The following C1QTNF12 variants were observed in gnomAD, a reference collection of about 807,000 sequenced individuals.
The protein encoded by C1QTNF12 is C1q and TNF related 12.
A neutral mutation model predicts 34.3 loss-of-function variants in C1QTNF12; 39 were observed. The observed-to-expected ratio is 1.14, with a 90% CI of 0.88 to 1.49. The LOEUF (loss-of-function observed/expected upper bound fraction) is 1.49, where lower values mean the gene tolerates loss of function less well. C1QTNF12 is among the 40% of genes most tolerant of loss of function. C1QTNF12 has a pLI of 0.00. For missense variants in C1QTNF12, 497 were observed against 424.7 expected (o/e 1.17, Z -1.50); for synonymous variants, 220 against 196.9 (o/e 1.12, Z -0.98).
In C1QTNF12 at chr1:1,244,364, G is replaced by A. The variant is rs770989676; in HGVS notation, c.294+17C>T. ...TGTCCGGGGCTCAGACCCTGCAGCA[G>A]CCCGGGCGGGGCTCACCGGCTTCTT... On this transcript the variant is annotated intron_variant, in intron 2 of 7. Transcript: ENST00000330388. 3 of 1,608,568 alleles carry A rather than the reference G, an allele frequency of 1.9e-6. No homozygotes were observed. Among genetic ancestry groups the A allele is most frequent in the South Asian group, 1.1e-5 (1 of 90,978 alleles).
rs774360088 is a variant in C1QTNF12 at position 1,244,287 on chromosome 1, G to GAGAAGC, written c.295-18_295-13dup. On this transcript the variant is annotated splice_polypyrimidine_tract_variant and intron_variant, in intron 2 of 7. Transcript: ENST00000330388. ...CCGAAGAGATCCCGCTGGGGGGAGA[G>GAGAAGC]AGAAGCAGGTGAGGGGCCCAGTGGG... 6.3e-7 allele frequency: 1 copy of GAGAAGC among 1,591,576 alleles called. No homozygotes were observed. Among genetic ancestry groups the GAGAAGC allele is most frequent in the Non-Finnish European group, 8.6e-7 (1 of 1,165,750 alleles).
chr1:1,242,874 C>A lies in C1QTNF12; in HGVS notation c.771G>T (p.Arg257Ser). 6.2e-7 allele frequency: 1 copy of A among 1,612,474 alleles called. No individual in the cohort carries two copies. The highest frequency in any genetic ancestry group is 1.1e-5 in the South Asian group (1 of 91,084). ...GCCCCTGCACCTGTAGCGTGAAGACCCTGCTGTTGCTCTCCAGGCCTGAGA... is the reference window on the plus strand; with the variant it reads ...GCCCCTGCACCTGTAGCGTGAAGACACTGCTGTTGCTCTCCAGGCCTGAGA... Reference protein sequence around the residue: ...EAVSGLESNSRVFTLQVQGLL... With the variant: ...EAVSGLESNSSVFTLQVQGLL... The change falls in exon 7 of 8, where the codon AGG becomes AGT. Residue 257 changes from arginine (R) to serine (S), a missense_variant. Physicochemically the swap from Arg to Ser is moderately radical, Grantham distance 110. Transcript: ENST00000330388.
In C1QTNF12 at chr1:1,244,361, G is replaced by A; in HGVS notation, c.294+20C>T. On this transcript the variant is annotated intron_variant, in intron 2 of 7. Coordinates refer to ENST00000330388, the MANE Select transcript of C1QTNF12 (RefSeq NM_001014980.3). ...CCCTGTCCGGGGCTCAGACCCTGCAGCAGCCCGGGCGGGGCTCACCGGCTT... is the reference window on the plus strand; with the variant it reads ...CCCTGTCCGGGGCTCAGACCCTGCAACAGCCCGGGCGGGGCTCACCGGCTT... The A allele has an allele frequency of 6.2e-7, 1 of 1,607,176 alleles. No homozygotes were observed. The highest frequency in any genetic ancestry group is 8.5e-7 in the Non-Finnish European group (1 of 1,175,568).
Position 1,243,148 on chromosome 1 carries a change from G to C in C1QTNF12, c.645C>G (p.His215Gln). 6.4e-7 allele frequency: 1 copy of C among 1,566,096 alleles called. No individual in the cohort carries two copies. The highest frequency in any genetic ancestry group is 8.6e-7 in the Non-Finnish European group (1 of 1,156,782). The change falls in exon 6 of 8, where the codon CAC becomes CAG. Residue 215 changes from histidine (H) to glutamine (Q), a missense_variant. Coordinates refer to ENST00000330388, the MANE Select transcript of C1QTNF12 (RefSeq NM_001014980.3). The part of the protein sequence containing the change: ...FQFSASLHVD[H>Q]SELQGKARLR... Reference sequence around the variant, plus strand: ...GCCGGGCCTTGCCCTGCAGCTCACTGTGGTCTGCGGAGAGAGCCCTGGGGA... The same window carrying C: ...GCCGGGCCTTGCCCTGCAGCTCACTCTGGTCTGCGGAGAGAGCCCTGGGGA...
chr1:1,243,968 G>T lies in C1QTNF12; in HGVS notation c.517C>A (p.His173Asn). ...GCTCCACTCACAGCCTGGAAACCAT[G>T]CAGCTCCACCAGCGTCCGCTTGTCC... ...RVDKRTLVEL[H>N]GFQAPAAQGA... The change falls in exon 4 of 8, where the codon CAT (histidine) becomes AAT (asparagine). Residue 173 changes from histidine (H) to asparagine (N), a missense_variant. Coordinates refer to ENST00000330388, the MANE Select transcript of C1QTNF12 (RefSeq NM_001014980.3). 1 of 1,609,550 alleles carries T rather than the reference G, an allele frequency of 6.2e-7. No individual in the cohort carries two copies. Among genetic ancestry groups the T allele is most frequent in the Non-Finnish European group, 8.5e-7 (1 of 1,178,624 alleles).
At chr1:1,243,691 A>G (rs2101004775) in intron 4 of C1QTNF12, 139 bp from the exon 5 acceptor site, 1 of 821,588 alleles carries the variant, frequency 1.2e-6, no homozygotes, top group Non-Finnish European at 1.9e-6. Context: ...TGTGGGCACC[A>G]GCAGGACTGA....
Position 1,243,431 on chromosome 1 carries a change from C to G in C1QTNF12, c.640+13G>C. 1 of 1,548,464 alleles carries G rather than the reference C, an allele frequency of 6.5e-7. No individual in the cohort carries two copies. Among genetic ancestry groups the G allele is most frequent in the Non-Finnish European group, 8.7e-7 (1 of 1,145,038 alleles). ...CCCCGTCACAGCACACGGCACTGCC[C>G]CATCCGGCTCACCCACGTGCAGACT... On this transcript the variant is annotated intron_variant, in intron 5 of 7. Transcript: ENST00000330388.
At chr1:1,243,876 G>A (rs1223864381) in intron 4 of C1QTNF12, 78 bp downstream of exon 4, 46 of 1,481,864 alleles carry the variant, frequency 3.1e-5, no homozygotes, top group Non-Finnish European at 4.0e-5. Flanking sequence ...CCCCATGAGT[G>A]TCAGGCGGTG....
At chr1:1,244,781 CCA>C in intron 1 of C1QTNF12, 1 of 288,964 alleles carries the variant, frequency 3.5e-6, no homozygotes, top group East Asian at 6.9e-5. Context: ...ACTCCTTCCC[CCA>C]CTCATCTCCC....
rs148998510 is a variant in C1QTNF12 at position 1,244,464 on chromosome 1, C to T, written c.211G>A (p.Ala71Thr). 112 of 1,611,812 alleles carry T rather than the reference C, an allele frequency of 6.9e-5. No individual in the cohort carries two copies. Among genetic ancestry groups the T allele is most frequent in the Middle Eastern group, 5.0e-4 (3 of 6,054 alleles). Reference protein sequence around the residue: ...SQASGPEFSDAHMTWLNFVRR... With the variant: ...SQASGPEFSDTHMTWLNFVRR... ...ACAAAGTTCAGCCATGTCATGTGGG[C>T]GTCGGAGAACTCAGGTCCTGAGGCC... Residue 71 changes from alanine (A) to threonine (T), a missense_variant, in exon 2 of 8, where the codon GCC becomes ACC. Physicochemically the swap from Ala to Thr is moderately conservative, Grantham distance 58 (BLOSUM62 0). Coordinates refer to ENST00000330388, the MANE Select transcript of C1QTNF12 (RefSeq NM_001014980.3).
Position 1,246,647 on chromosome 1 carries a change from G to A in C1QTNF12, c.44C>T (p.Pro15Leu), listed in dbSNP as rs1224671381. Reference sequence around the variant, plus strand: ...GACGCCCCCGAGGAGCACGAGCTGCGGCCCGAGGAGGACCACGACCGCGGC... The same window carrying A: ...GACGCCCCCGAGGAGCACGAGCTGCAGCCCGAGGAGGACCACGACCGCGGC... ...AWAAVVVLLG[P>L]QLVLLGGVGA... is the part of the protein sequence containing the mutation. Residue 15 changes from proline to leucine, a missense_variant, in exon 1 of 8, where the codon CCG becomes CTG. Pro to Leu is a moderately conservative substitution (Grantham distance 98). Coordinates refer to ENST00000330388, the MANE Select transcript of C1QTNF12 (RefSeq NM_001014980.3). The surrounding 1 kb of genome is among the most constrained non-coding windows in gnomAD (Gnocchi z 4.5). 3 of 1,233,296 alleles carry A rather than the reference G, an allele frequency of 2.4e-6. No individual in the cohort carries two copies. Among genetic ancestry groups the A allele is most frequent in the African/African-American group, 1.6e-5 (1 of 64,208 alleles). 76.4% of individuals were successfully genotyped at this position (1,233,296 alleles called of 1,614,324 possible). A position where few individuals can be genotyped will look rare whatever the true frequency, so the allele number is the denominator to read the frequency against.
At chr1:1,244,330 A>C in intron 2 of C1QTNF12, 51 bp downstream of exon 2, 4 of 1,594,728 alleles carry the variant, frequency 2.5e-6, no homozygotes, top group Non-Finnish European at 3.4e-6. Context: ...GGGAGCTACC[A>C]CCACACCCTG....
rs761590854 is a variant in C1QTNF12, at chr1:1,244,292, GCAGGTGAGGGGCC to G, written c.295-30_295-18del. On this transcript the variant is annotated intron_variant, in intron 2 of 7. Coordinates refer to ENST00000330388, the MANE Select transcript of C1QTNF12 (RefSeq NM_001014980.3). The stretch of plus-strand genomic sequence containing the variant: ...GAGATCCCGCTGGGGGGAGAGAGAA[GCAGGTGAGGGGCC>G]CAGTGGGACCCGGTGGGAGCTACCA... The G allele has an allele frequency of 2.5e-6, 4 of 1,590,642 alleles. 1 individual carries two copies. The South Asian group carries it at 4.5e-5, about 18-fold the overall frequency.
intron 1 of C1QTNF12, among the ~76,000 whole-genome samples, chr1:1,245,662 C>T (rs1358532056): frequency 6.6e-6 from 1 of 152,168 alleles, no homozygotes; most frequent in Non-Finnish European, 1.5e-5. Context: ...GGAACCAGCC[C>T]ACTCTTCCTG....
rs752550553 is a variant in C1QTNF12 at position 1,242,826 on chromosome 1, C to T, written c.810+9G>A. ...CGAGCCCTCCCGCTCACACCCGGCC[C>T]GGACTCACCTGCAGCTGCAGCAGCC... On this transcript the variant is annotated intron_variant, in intron 7 of 7. Transcript: ENST00000330388. 2.4e-5 allele frequency: 39 copies of T among 1,611,930 alleles called. No individual in the cohort carries two copies. Among genetic ancestry groups the T allele is most frequent in the Admixed American group, 6.7e-5 (4 of 59,978 alleles).
intron 7 of C1QTNF12, 79 bp from the exon 8 acceptor site, chr1:1,242,725 G>T: frequency 1.3e-6 from 2 of 1,544,044 alleles, no homozygotes; most frequent in South Asian, 1.2e-5. Flanking sequence ...CCTGCCCTGC[G>T]CTAGGAGGTG....
In C1QTNF12 at chr1:1,243,099, C is replaced by T. The variant is rs1398545535; in HGVS notation, c.694G>A (p.Val232Ile). ...CACAGGGACTCAATACAGATGAGAA[C>T]ACACACCACGTCCCGGGCCCGCAGC... The part of the protein sequence containing the change: ...ARLRARDVVC[V>I]LICIESLCQR... The change falls in exon 6 of 8, where the codon GTT becomes ATT. Residue 232 changes from valine to isoleucine, a missense_variant. Transcript: ENST00000330388. 1 of 1,590,528 alleles carries T rather than the reference C, an allele frequency of 6.3e-7. No homozygotes were observed. The highest frequency in any genetic ancestry group is 8.6e-7 in the Non-Finnish European group (1 of 1,169,448).
rs201767574 is a variant in C1QTNF12, at chr1:1,244,099, G to A, written c.386C>T (p.Thr129Met). The change falls in exon 4 of 8, where the codon ACG (threonine) becomes ATG (methionine). Residue 129 changes from threonine to methionine, a missense_variant. Transcript: ENST00000330388. Reference sequence around the variant, plus strand: ...CAGAAGCCCTGAGAACCGGCGCTCCGTGGCCTCTGTGGGGAGGAGGGCACA... The same window carrying A: ...CAGAAGCCCTGAGAACCGGCGCTCCATGGCCTCTGTGGGGAGGAGGGCACA... Reference protein sequence around the residue: ...HEFQELLKEATERRFSGLLDP... With the variant: ...HEFQELLKEAMERRFSGLLDP... 5.1e-4 allele frequency: 806 copies of A among 1,578,040 alleles called. 8 individuals carry two copies. In the East Asian group the frequency reaches 0.016, roughly 31 times the overall value.
chr1:1,242,851 C>T lies in C1QTNF12; in HGVS notation c.794G>A (p.Gly265Glu), dbSNP rs1297343250. ...NSRVFTLQVQ[G>E]LLQLQAGQYA... ...CGGACTCACCTGCAGCTGCAGCAGC[C>T]CCTGCACCTGTAGCGTGAAGACCCT... The change falls in exon 7 of 8, where the codon GGG becomes GAG. Residue 265 changes from glycine (G) to glutamate (E), a missense_variant. Physicochemically the swap from Gly to Glu is moderately conservative, Grantham distance 98 (BLOSUM62 -2). Transcript: ENST00000330388. 4.3e-6 allele frequency: 7 copies of T among 1,612,344 alleles called. No individual in the cohort carries two copies. The highest frequency in any genetic ancestry group is 5.9e-6 in the Non-Finnish European group (7 of 1,179,684).
Sources: allele counts gnomAD v4.1 joint callset (sites outside exome capture counted in the v4.1 genomes callset), GRCh38; gene constraint gnomAD v4.1.1; non-coding constraint Gnocchi (gnomAD v3.1); transcripts MANE v1.5; gene names NCBI Gene and HGNC (gene_info 2026-07-23, HGNC 2026-07-21).